ANKRD13A: variants seen among roughly 807,000 people sequenced by gnomAD.
ANKRD13A encodes ankyrin repeat domain 13A, also known as ankyrin repeat domain-containing protein 13A.
A neutral mutation model predicts 81.3 loss-of-function variants in ANKRD13A; 48 were observed. That is an observed-to-expected ratio of 0.59 (90% confidence interval 0.47 to 0.75). The LOEUF (loss-of-function observed/expected upper bound fraction) is 0.75, where lower values mean the gene tolerates loss of function less well. Among genes scored for constraint, ANKRD13A ranks in the 30% least tolerant of loss-of-function variants. The pLI, the probability that ANKRD13A is intolerant of heterozygous loss-of-function variation, is 0.00. For synonymous variants in ANKRD13A, 230 were observed against 270.1 expected (o/e 0.85, Z 1.45); for missense variants, 612 against 734.0 (o/e 0.83, Z 1.92).
At chr12:110,023,299 T>A (rs751254825) in intron 6 of ANKRD13A, among the ~76,000 whole-genome samples, 11 of 152,040 alleles carry the variant, frequency 7.2e-5, no homozygotes, top group Non-Finnish European at 1.3e-4. Context: ...CCTAAATACA[T>A]TTTTTTTCAG....
In ANKRD13A at chr12:110,023,957, T is replaced by TG. The variant is rs551645577; in HGVS notation, c.735-82dup. On this transcript the variant is annotated intron_variant, in intron 6 of 14. Coordinates refer to ENST00000261739, the MANE Select transcript of ANKRD13A (RefSeq NM_033121.2). Reference sequence around the variant, plus strand: ...CCAAGTGTCCTTCACTAACTTAAGCTGGGGGGGAAAAAAACTATAAAGGCT... The same window carrying TG: ...CCAAGTGTCCTTCACTAACTTAAGCTGGGGGGGGAAAAAAACTATAAAGGCT... 9.6e-5 allele frequency: 127 copies of TG among 1,329,284 alleles called. 1 individual carries two copies. The African/African-American group carries it at 1.0e-3, about 11-fold the overall frequency. 82.3% of individuals were successfully genotyped at this position (1,329,284 alleles called of 1,614,324 possible).
chr12:110,029,531 A>G lies in ANKRD13A; in HGVS notation c.1130A>G (p.Gln377Arg). 2 of 1,614,036 alleles carry G rather than the reference A, an allele frequency of 1.2e-6. No individual in the cohort carries two copies. Among genetic ancestry groups the G allele is most frequent in the Non-Finnish European group, 1.7e-6 (2 of 1,179,872 alleles). The part of the protein sequence containing the change: ...CEEFPLSLVE[Q>R]VIPIIDLMAR... ...GAGTTTCCCCTCTCTCTGGTGGAGCAGGTCATTCCCATCATTGACCTAATG... is the reference window on the plus strand; with the variant it reads ...GAGTTTCCCCTCTCTCTGGTGGAGCGGGTCATTCCCATCATTGACCTAATG... Residue 377 changes from glutamine (Q) to arginine (R), a missense_variant, in exon 11 of 15, where the codon CAG (glutamine) becomes CGG (arginine). Coordinates refer to ENST00000261739, the MANE Select transcript of ANKRD13A (RefSeq NM_033121.2).
At chr12:110,028,824 G>A (rs565080490) in intron 10 of ANKRD13A, 182 bp downstream of exon 10, 184 of 655,372 alleles carry the variant, frequency 2.8e-4, no homozygotes, top group African/African-American at 2.8e-3. Flanking sequence ...TGCAACCTCT[G>A]CCTCCCAGGT....
At position 110,037,453 on chromosome 12, in the gene ANKRD13A, A is replaced by G. The variant is rs1187494416; in HGVS notation, c.1672A>G (p.Met558Val). Residue 558 changes from methionine (M) to valine (V), a missense_variant, in exon 15 of 15, where the codon ATG (methionine) becomes GTG (valine). Coordinates refer to ENST00000261739, the MANE Select transcript of ANKRD13A (RefSeq NM_033121.2). Reference protein sequence around the residue: ...SRFDNDLQLAMELSAKELEEW... With the variant: ...SRFDNDLQLAVELSAKELEEW... ...TTTTGATAATGACTTGCAGCTAGCC[A>G]TGGAGCTCTCTGCCAAAGAGCTGGA... The G allele has an allele frequency of 5.6e-6, 9 of 1,614,202 alleles. No homozygotes were observed. Among genetic ancestry groups the G allele is most frequent in the Non-Finnish European group, 7.6e-6 (9 of 1,180,022 alleles).
chr12:110,033,375 T>G (rs555386011), intron 12 of ANKRD13A, among the ~76,000 whole-genome samples: 3 of 152,224 alleles, frequency 2.0e-5, no homozygotes, highest in African/African-American at 4.8e-5. Context: ...ATTGATAGTG[T>G]TCTGTGTCTT....
Position 110,027,938 on chromosome 12 carries a change from T to C in ANKRD13A, c.945+172T>C, listed in dbSNP as rs910215814. The C allele has an allele frequency of 4.7e-5, 29 of 618,898 alleles. No homozygotes were observed. In the African/African-American group the frequency reaches 5.2e-4, roughly 11 times the overall value. The allele number at this position is 618,898 out of a possible 1,614,324, so 38.3% of individuals were successfully genotyped here. A position where few individuals can be genotyped will look rare whatever the true frequency, so the allele number is the denominator to read the frequency against. ...GAAGAGAATTAGATGAGTGACTCTT[T>C]GAAAATAAATAAGGATTTTAGAGGA... On this transcript the variant is annotated intron_variant, in intron 9 of 14. Transcript: ENST00000261739.
chr12:110,038,573 T>C lies in ANKRD13A; in HGVS notation c.*1019T>C, dbSNP rs1218184204. On this transcript the variant is annotated 3_prime_UTR_variant, in exon 15 of 15. Transcript: ENST00000261739. ...AACCACGGAGCTCCATGGCTCTTCA[T>C]TCAAAAGGGAAAATAATGATTCCAC... The C allele has an allele frequency of 2.6e-5, 4 of 152,762 alleles. No individual in the cohort carries two copies. In the South Asian group the frequency reaches 8.3e-4, roughly 32 times the overall value. The allele number at this position is 152,762 out of a possible 1,614,324, so 9.5% of individuals were successfully genotyped here. A position where few individuals can be genotyped will look rare whatever the true frequency, so the allele number is the denominator to read the frequency against.
intron 1 of ANKRD13A, among the ~76,000 whole-genome samples, chr12:110,004,444 C>A (rs1024912355): frequency 5.9e-5 from 9 of 151,854 alleles, no homozygotes; most frequent in Admixed American, 5.9e-4. Context: ...AGAGAAACCC[C>A]GTCTCTACTA....
intron 2 of ANKRD13A, 132 bp from the exon 3 acceptor site, chr12:110,012,993 A>C (rs896503323): frequency 1.1e-6 from 1 of 881,628 alleles, no homozygotes; most frequent in Admixed American, 2.7e-5. Context: ...AGTCATGATC[A>C]TCCTGGTAAG....
Position 109,999,895 on chromosome 12 carries a change from C to T in ANKRD13A, c.96+111C>T. 3 of 993,336 alleles carry T rather than the reference C, an allele frequency of 3.0e-6. No homozygotes were observed. Among genetic ancestry groups the T allele is most frequent in the South Asian group, 1.8e-5 (1 of 56,344 alleles). The allele number at this position is 993,336 out of a possible 1,614,324, so 61.5% of individuals were successfully genotyped here. A position where few individuals can be genotyped will look rare whatever the true frequency, so the allele number is the denominator to read the frequency against. ...CTCTGTCCCCGGGATCCCCAGACCC[C>T]TTCCACTTTGCAGGTGTGGGACAGT... is the stretch of plus-strand genomic sequence containing the variant. On this transcript the variant is annotated intron_variant, in intron 1 of 14. Transcript: ENST00000261739. This position sits in a 1 kb window ranked among gnomAD's most constrained non-coding sequence, Gnocchi z 4.3.
Position 109,999,525 on chromosome 12 carries a change from G to T in ANKRD13A, c.-164G>T, listed in dbSNP as rs567896455. The T allele has an allele frequency of 4.9e-3, 1,868 of 383,764 alleles. 8 individuals are homozygous for T. The highest frequency in any genetic ancestry group is 6.8e-3 in the Non-Finnish European group (1,560 of 229,816). 23.8% of individuals were successfully genotyped at this position (383,764 alleles called of 1,614,324 possible). On this transcript the variant is annotated 5_prime_UTR_variant, in exon 1 of 15. Transcript: ENST00000261739. The surrounding 1 kb of genome is among the most constrained non-coding windows in gnomAD (Gnocchi z 4.3). ...GTCCCTGAGCCGGCCGGCGACCCCG[G>T]ACCTCCCGCGCGCCCCGCACCCGAC...
chr12:110,030,378 G>A (rs1403661674), intron 11 of ANKRD13A, among the ~76,000 whole-genome samples: 3 of 152,004 alleles, frequency 2.0e-5, no homozygotes, highest in African/African-American at 4.8e-5. Flanking sequence ...TGTTGGTTAG[G>A]CTGGTCTCGA....
chr12:110,030,722 G>C lies in ANKRD13A; in HGVS notation c.1312G>C (p.Val438Leu). The change falls in exon 12 of 15, where the codon GTA becomes CTA. Residue 438 changes from valine to leucine, a missense_variant. Physicochemically the swap from Val to Leu is conservative, Grantham distance 32 (BLOSUM62 1). Coordinates refer to ENST00000261739, the MANE Select transcript of ANKRD13A (RefSeq NM_033121.2). ...VNGCSTAEES[V>L]SQNVEGTQAD... ...TGGCTGTAGCACTGCCGAAGAATCT[G>C]TATCTCAAAATGTGGAAGGGACCCA... The C allele has an allele frequency of 6.2e-7, 1 of 1,608,884 alleles. No individual in the cohort carries two copies. Among genetic ancestry groups the C allele is most frequent in the Non-Finnish European group, 8.5e-7 (1 of 1,177,060 alleles).
intron 12 of ANKRD13A, 136 bp from the exon 13 acceptor site, chr12:110,033,660 GA>G (rs1891844306): frequency 2.6e-6 from 2 of 773,696 alleles, no homozygotes; most frequent in Non-Finnish European, 3.8e-6. Flanking sequence ...TGCTTCCTCA[GA>G]ATCTCTCATA....
At chr12:110,024,859 C>G (rs1375093695) in intron 7 of ANKRD13A, among the ~76,000 whole-genome samples, 1 of 152,220 alleles carries the variant, frequency 6.6e-6, no homozygotes, top group Non-Finnish European at 1.5e-5. Context: ...GTTTGATTTT[C>G]TAGACCACCA....
rs1890554406 is a variant in ANKRD13A, at chr12:110,012,063, G to A, written c.155G>A (p.Gly52Glu). 6.2e-7 allele frequency: 1 copy of A among 1,613,446 alleles called. No individual in the cohort carries two copies. The highest frequency in any genetic ancestry group is 8.5e-7 in the Non-Finnish European group (1 of 1,179,406). The change falls in exon 2 of 15, where the codon GGA (glycine) becomes GAA (glutamate). Residue 52 changes from glycine to glutamate, a missense_variant. Gly to Glu is a moderately conservative substitution (Grantham distance 98). Coordinates refer to ENST00000261739, the MANE Select transcript of ANKRD13A (RefSeq NM_033121.2). Reference sequence around the variant, plus strand: ...TTATTGCATCTTGCTGTTTCCTTGGGACATTTGGAATCTGCTCGAGTCTTA... The same window carrying A: ...TTATTGCATCTTGCTGTTTCCTTGGAACATTTGGAATCTGCTCGAGTCTTA... ...RTLLHLAVSL[G>E]HLESARVLLR...
At chr12:110,037,038 C>G (rs192416870) in intron 14 of ANKRD13A, among the ~76,000 whole-genome samples, 3 of 152,094 alleles carry the variant, frequency 2.0e-5, no homozygotes, top group Non-Finnish European at 4.4e-5. Context: ...CGGGAAAAAC[C>G]GCGAGGATTC....
chr12:110,027,403 A>C (rs1891404499), intron 8 of ANKRD13A: 1 of 342,884 alleles, frequency 2.9e-6, no homozygotes, highest in African/African-American at 2.1e-5. Flanking sequence ...TGAGGCCCAG[A>C]ACACATGGGT....
At chr12:110,027,133 C>G (rs1891387321) in intron 8 of ANKRD13A, 1 of 152,532 alleles carries the variant, frequency 6.6e-6, no homozygotes, top group South Asian at 2.1e-4. Flanking sequence ...AAAAACATTG[C>G]ATGTGGTTGC....
Sources: gnomAD v4.1 joint callset for allele counts (sites outside exome capture counted in the v4.1 genomes callset) on GRCh38, gnomAD v4.1.1 for gene constraint, Gnocchi (gnomAD v3.1) non-coding constraint, MANE v1.5 for transcripts, NCBI Gene and HGNC (gene_info 2026-07-23, HGNC 2026-07-21) for gene names.